TYR: variants seen among roughly 807,000 people sequenced by gnomAD.
The protein encoded by TYR is LB24-AB.
In TYR, 58 loss-of-function variants were observed where a neutral mutation model predicts 51.5. That is an observed-to-expected ratio of 1.13 (90% confidence interval 0.91 to 1.40). The LOEUF is 1.40. Ranked by LOEUF, TYR falls within the 40% of genes most tolerant of loss-of-function variation. The pLI is 0.00. For synonymous variants in TYR, 263 were observed against 235.2 expected, an observed-to-expected ratio of 1.12 and a Z score of -1.08; for missense variants, 732 against 647.4, an observed-to-expected ratio of 1.13 and a Z score of -1.42.
intron 3 of TYR, among the ~76,000 whole-genome samples, chr11:89,265,315 G>T (rs1944512487): frequency 6.6e-6 from 1 of 152,008 alleles, no homozygotes; most frequent in African/African-American, 2.4e-5. Context: ...GATAAGCTTT[G>T]TCAGACGGGC....
intron 2 of TYR, among the ~76,000 whole-genome samples, chr11:89,204,088 C>G (rs1040577802): frequency 6.6e-6 from 1 of 152,162 alleles, no homozygotes; most frequent in Admixed American, 6.5e-5. Context: ...CAATTCTATC[C>G]CCACCAGGCA....
chr11:89,190,703 A>G (rs1401424792), intron 1 of TYR, among the ~76,000 whole-genome samples: 4 of 151,862 alleles, frequency 2.6e-5, no homozygotes, highest in African/African-American at 9.7e-5. Context: ...CTTTATATTC[A>G]CTCCTTATTC....
intron 2 of TYR, among the ~76,000 whole-genome samples, chr11:89,220,679 GGGAGGC>G (rs1198054073): frequency 6.6e-6 from 1 of 152,070 alleles, no homozygotes; most frequent in Non-Finnish European, 1.5e-5. Context: ...GCTTGAACCT[GGGAGGC>G]GGAGGTTGCA....
At chr11:89,261,651 C>T (rs1944457390) in intron 3 of TYR, among the ~76,000 whole-genome samples, 1 of 152,026 alleles carries the variant, frequency 6.6e-6, no homozygotes. Flanking sequence ...AGGGATAGGA[C>T]TAGACCAAAA....
intron 1 of TYR, among the ~76,000 whole-genome samples, chr11:89,186,737 T>C (rs11018525): frequency 0.5 from 75,614 of 151,892 alleles, 21,411 homozygotes; most frequent in African/African-American, 0.79. Context: ...CTCCCAAAAA[T>C]GTGTGTGTTG....
chr11:89,225,316 G>T (rs1027070483), intron 2 of TYR, among the ~76,000 whole-genome samples: 31 of 151,736 alleles, frequency 2.0e-4, no homozygotes, highest in Admixed American at 2.0e-3. Flanking sequence ...CAATTTTCAA[G>T]TATACCATAC....
intron 4 of TYR, among the ~76,000 whole-genome samples, chr11:89,285,651 C>T (rs1251145504): frequency 6.6e-6 from 1 of 151,722 alleles, no homozygotes; most frequent in Non-Finnish European, 1.5e-5. Flanking sequence ...CCACTACATG[C>T]ATATTCTTTA....
intron 3 of TYR, among the ~76,000 whole-genome samples, chr11:89,272,527 T>C (rs1217416110): frequency 6.6e-6 from 1 of 151,900 alleles, no homozygotes; most frequent in Non-Finnish European, 1.5e-5. Flanking sequence ...TTAGTGTTTT[T>C]GATGGCCTTT....
chr11:89,272,322 T>C (rs1232308172), intron 3 of TYR, among the ~76,000 whole-genome samples: 1 of 151,880 alleles, frequency 6.6e-6, no homozygotes, highest in Non-Finnish European at 1.5e-5. Context: ...AAAGCAATAT[T>C]CATCTCCTTG....
At chr11:89,278,523 T>C (rs535784553) in intron 3 of TYR, among the ~76,000 whole-genome samples, 27 of 151,758 alleles carry the variant, frequency 1.8e-4, no homozygotes, top group African/African-American at 5.8e-4. Context: ...CTCATGGTGG[T>C]GGTAGATGTG....
chr11:89,269,769 T>TA lies in TYR; in HGVS notation c.1185-15001dup, dbSNP rs536382530. The stretch of plus-strand genomic sequence containing the variant: ...ATTTATTCCTGACAATCTCTACTCT[T>TA]AAAGTGTGGAGTTCTCTTAAAGGGG... On this transcript the variant is annotated intron_variant, in intron 3 of 4. Coordinates refer to ENST00000263321, the MANE Select transcript of TYR (RefSeq NM_000372.5). 4.2e-3 allele frequency among the ~76,000 whole-genome samples: 637 copies of TA among 152,064 alleles called. 10 individuals are homozygous for TA. The highest frequency in any genetic ancestry group is 0.015 in the African/African-American group (604 of 41,542).
chr11:89,251,458 T>G (rs541717624), intron 3 of TYR, among the ~76,000 whole-genome samples: 1 of 151,816 alleles, frequency 6.6e-6, no homozygotes, highest in African/African-American at 2.4e-5. Context: ...CCAAGATACA[T>G]CTTGTTAAGT....
At chr11:89,232,026 G>A (rs2135285012) in intron 3 of TYR, among the ~76,000 whole-genome samples, 1 of 140,542 alleles carries the variant, frequency 7.1e-6, no homozygotes, top group East Asian at 2.0e-4. Context: ...CTGTTGTACA[G>A]CGTGATGACT....
At chr11:89,208,040 G>A (rs113496940) in intron 2 of TYR, among the ~76,000 whole-genome samples, 10,595 of 150,138 alleles carry the variant, frequency 0.071, 430 homozygotes, top group African/African-American at 0.1. Context: ...AGGCCAAGGC[G>A]GGGGGATCAC....
chr11:89,190,682 G>A (rs1943430682), intron 1 of TYR, among the ~76,000 whole-genome samples: 2 of 151,974 alleles, frequency 1.3e-5, no homozygotes, highest in African/African-American at 4.8e-5. Flanking sequence ...GTGTAGAGTA[G>A]TATCTTAGGC....
At chr11:89,220,756 C>CA (rs906086677) in intron 2 of TYR, among the ~76,000 whole-genome samples, 12 of 151,612 alleles carry the variant, frequency 7.9e-5, no homozygotes, top group African/African-American at 2.9e-4. Flanking sequence ...AACTCCGTCT[C>CA]AAAAAAACAA....
intron 3 of TYR, among the ~76,000 whole-genome samples, chr11:89,247,235 C>A (rs1395809690): frequency 6.6e-6 from 1 of 152,132 alleles, no homozygotes; most frequent in Non-Finnish European, 1.5e-5. Context: ...ATCATGGGTT[C>A]GTGGCAGACA....
At chr11:89,205,019 A>G (rs1020738059) in intron 2 of TYR, among the ~76,000 whole-genome samples, 1 of 152,186 alleles carries the variant, frequency 6.6e-6, no homozygotes, top group Non-Finnish European at 1.5e-5. Context: ...AATTATAAAC[A>G]TAGTTGAAAC....
intron 2 of TYR, chr11:89,200,755 A>G (rs1943587210): frequency 6.6e-6 from 1 of 152,144 alleles, no homozygotes; most frequent in African/African-American, 2.4e-5. Context: ...TGTTTGGTTG[A>G]AGAACTTGAT....
Sources: gnomAD v4.1 joint callset for allele counts (sites outside exome capture counted in the v4.1 genomes callset) on GRCh38, gnomAD v4.1.1 for gene constraint, MANE v1.5 for transcripts, NCBI Gene and HGNC (gene_info 2026-07-23, HGNC 2026-07-21) for gene names.